The following REN variants were observed in gnomAD, a reference collection of about 807,000 sequenced individuals.
The protein encoded by REN is renin.
A neutral mutation model predicts 48.6 loss-of-function variants in REN; 42 were observed. That is an observed-to-expected ratio of 0.86 (90% CI 0.68 to 1.12). The LOEUF is 1.12. REN is among the 50% of genes most tolerant of loss of function. REN has a pLI of 0.00. For missense variants in REN, 443 were observed against 527.3 expected (o/e 0.84, Z 1.57); for synonymous variants, 196 against 204.6 (o/e 0.96, Z 0.36).
rs1418920675 is a variant in REN at position 204,157,342 on chromosome 1, G to A, written c.698+19C>T. The A allele has an allele frequency of 1.2e-6, 2 of 1,614,102 alleles. No individual in the cohort carries two copies. The highest frequency in any genetic ancestry group is 2.2e-5 in the East Asian group (1 of 44,892). On this transcript the variant is annotated intron_variant, in intron 6 of 9. Coordinates refer to ENST00000272190, the MANE Select transcript of REN (RefSeq NM_000537.4). ...GAGTACTGGAAGGTCACAGCCATGT[G>A]GGGGTTTTGTCTCCTTACTCGGAAT...
chr1:204,158,227 T>C (rs6676458), intron 5 of REN, among the ~76,000 whole-genome samples: 35,685 of 151,230 alleles, frequency 0.24, 4,187 homozygotes, highest in African/African-American at 0.29. Flanking sequence ...TTGCCCCCAC[T>C]TCCTCTAAAA....
At chr1:204,162,269 T>C (rs751201851) in intron 1 of REN, 106 bp from the exon 2 acceptor site, 96 of 1,236,588 alleles carry the variant, frequency 7.8e-5, no homozygotes, top group Non-Finnish European at 1.1e-4. Context: ...ACCTTTAACG[T>C]TAGCCCAGCC....
Position 204,155,175 on chromosome 1 carries a change from T to C in REN, c.1062A>G (p.Glu354=). 6.2e-7 allele frequency: 1 copy of C among 1,614,096 alleles called. No individual in the cohort carries two copies. Among genetic ancestry groups the C allele is most frequent in the Non-Finnish European group, 8.5e-7 (1 of 1,179,946 alleles). Residue 354 remains glutamate, a splice_region_variant and synonymous_variant, in exon 10 of 10, where the codon GAA becomes GAG. Coordinates refer to ENST00000272190, the MANE Select transcript of REN (RefSeq NM_000537.4). The part of the protein sequence containing the change: ...TLTSADYVFQ[E]SYSSKKLCTL... ...TGCACAGCTTTTTACTACTGTAGGA[T>C]TCCTGGCAGGAAGGGGGAGAGTTTC...
At chr1:204,161,077 G>A (rs1658237676) in intron 3 of REN, among the ~76,000 whole-genome samples, 1 of 149,056 alleles carries the variant, frequency 6.7e-6, no homozygotes, top group Non-Finnish European at 1.5e-5. Flanking sequence ...GGGTGCTCAG[G>A]GGTTCTTGGA....
intron 1 of REN, among the ~76,000 whole-genome samples, chr1:204,162,972 G>GA (rs756601207): frequency 1.8e-4 from 28 of 152,228 alleles, no homozygotes; most frequent in Non-Finnish European, 3.7e-4. Flanking sequence ...TTATAGATGA[G>GA]AAAAATGAAG....
Position 204,159,521 on chromosome 1 carries a change from C to T in REN, c.567G>A (p.Glu189=), listed in dbSNP as rs199876735. The change falls in exon 5 of 10, where the codon GAG becomes GAA. Residue 189 remains glutamate, a synonymous_variant. Coordinates refer to ENST00000272190, the MANE Select transcript of REN (RefSeq NM_000537.4). ...AGCCCATGCCCACAACCCCATCAAA[C>T]TCGGCCAGCATGAAGGGTAAGGCGG... is the stretch of plus-strand genomic sequence containing the variant. ...EMPALPFMLA[E]FDGVVGMGFI... is the part of the protein sequence containing the mutation. 6.8e-6 allele frequency: 11 copies of T among 1,614,060 alleles called. No individual in the cohort carries two copies. Among genetic ancestry groups the T allele is most frequent in the African/African-American group, 2.7e-5 (2 of 74,912 alleles).
intron 2 of REN, 140 bp from the exon 3 acceptor site, chr1:204,161,555 C>T (rs1658247402): frequency 1.3e-6 from 1 of 785,710 alleles, no homozygotes; most frequent in Non-Finnish European, 1.8e-6. Flanking sequence ...CATTTTCCTG[C>T]AGGAACTGGT....
chr1:204,161,967 G>A (rs1326245806), intron 2 of REN, 46 bp downstream of exon 2: 4 of 1,610,656 alleles, frequency 2.5e-6, no homozygotes, highest in Admixed American at 1.7e-5. Flanking sequence ...AGGTCCATGA[G>A]GGAAAGGAGA....
chr1:204,164,565 CTTTT>C (rs748060874), intron 1 of REN, among the ~76,000 whole-genome samples: 32 of 93,674 alleles, frequency 3.4e-4, no homozygotes, highest in African/African-American at 9.5e-4. Context: ...CTTCTTCAGT[CTTTT>C]TTTTTTTTTT....
At chr1:204,165,584 G>A (rs1658328913) in intron 1 of REN, among the ~76,000 whole-genome samples, 1 of 149,198 alleles carries the variant, frequency 6.7e-6, no homozygotes, top group African/African-American at 2.5e-5. Context: ...CTGTACCCAT[G>A]CCCCGACCCC....
chr1:204,158,043 C>T (rs1279279352), intron 5 of REN, among the ~76,000 whole-genome samples: 1 of 152,184 alleles, frequency 6.6e-6, no homozygotes, highest in African/African-American at 2.4e-5. Flanking sequence ...AGGCATCACT[C>T]GAGCATCCTC....
At chr1:204,158,652 C>T (rs1658192474) in intron 5 of REN, among the ~76,000 whole-genome samples, 1 of 152,186 alleles carries the variant, frequency 6.6e-6, no homozygotes, top group Non-Finnish European at 1.5e-5. Flanking sequence ...GAGTAGAGCC[C>T]AACCCTGCTC....
rs1413485206 is a variant in REN, at chr1:204,154,847, T to C, written c.*169A>G. 1.2e-5 allele frequency: 9 copies of C among 729,186 alleles called. No individual in the cohort carries two copies. Among genetic ancestry groups the C allele is most frequent in the Non-Finnish European group, 1.9e-5 (8 of 426,942 alleles). 45.2% of individuals were successfully genotyped at this position (729,186 alleles called of 1,614,324 possible). On this transcript the variant is annotated 3_prime_UTR_variant, in exon 10 of 10. Coordinates refer to ENST00000272190, the MANE Select transcript of REN (RefSeq NM_000537.4). ...GAACATGAAGTCTTTATTCTCTTTG[T>C]CCTCAAAGCAGGGAAGGGCTGGTGC... is the stretch of plus-strand genomic sequence containing the variant.
intron 1 of REN, among the ~76,000 whole-genome samples, chr1:204,163,305 A>G (rs1040776770): frequency 6.6e-6 from 1 of 152,214 alleles, no homozygotes; most frequent in Non-Finnish European, 1.5e-5. Flanking sequence ...GCCCATGAAC[A>G]TGAATGCAAC....
intron 1 of REN, among the ~76,000 whole-genome samples, chr1:204,165,035 T>C (rs10900556): frequency 0.4 from 59,851 of 151,254 alleles, 12,816 homozygotes; most frequent in African/African-American, 0.56. Flanking sequence ...GCAATGGCGC[T>C]ATGTCGGCTC....
At position 204,166,285 on chromosome 1, in the gene REN, T is replaced by A. The variant is rs5704; in HGVS notation, c.9A>T (p.Gly3=). ...GTCCCCAGCGAGGCATCCTTCTCCATCCATCCATGCTTCCCTCAGTCTGGG... is the reference window on the plus strand; with the variant it reads ...GTCCCCAGCGAGGCATCCTTCTCCAACCATCCATGCTTCCCTCAGTCTGGG... MD[G]WRRMPRWGLL... Residue 3 remains glycine, a synonymous_variant, in exon 1 of 10, where the codon GGA becomes GGT. Transcript: ENST00000272190. 2,487 of 1,614,178 alleles carry A rather than the reference T, an allele frequency of 1.5e-3. 37 individuals are homozygous for A. The African/African-American group carries it at 0.028, about 18-fold the overall frequency.
At chr1:204,160,478 G>C in intron 4 of REN, 82 bp downstream of exon 4, 1 of 912,966 alleles carries the variant, frequency 1.1e-6, no homozygotes, top group Admixed American at 1.7e-5. Flanking sequence ...GTACCTCCCC[G>C]CAGGTGTGGG....
intron 9 of REN, 86 bp downstream of exon 9, chr1:204,155,734 T>G: frequency 1.2e-5 from 12 of 1,042,868 alleles, no homozygotes; most frequent in African/African-American, 1.6e-5. Flanking sequence ...AGTTCTAACA[T>G]GACCTGTGCA....
At position 204,156,081 on chromosome 1, in the gene REN, G is replaced by A. The variant is rs191880799; in HGVS notation, c.960+97C>T. ...TGTGGAGAGTGTGAGGTGAACAAGC[G>A]AAGGCCTGAGATGGCCTCATTTGCC... is the stretch of plus-strand genomic sequence containing the variant. On this transcript the variant is annotated intron_variant, in intron 8 of 9. Coordinates refer to ENST00000272190, the MANE Select transcript of REN (RefSeq NM_000537.4). The surrounding 1 kb of genome is among the most constrained non-coding windows in gnomAD (Gnocchi z 4.2). 2.9e-4 allele frequency: 454 copies of A among 1,568,680 alleles called. 1 individual carries two copies. In the Admixed American group the frequency reaches 6.0e-3, roughly 21 times the overall value.
Sources: gnomAD v4.1 joint callset for allele counts (sites outside exome capture counted in the v4.1 genomes callset) on GRCh38, gnomAD v4.1.1 for gene constraint, Gnocchi (gnomAD v3.1) non-coding constraint, MANE v1.5 for transcripts, NCBI Gene and HGNC (gene_info 2026-07-23, HGNC 2026-07-21) for gene names.